The following ERC2 variants were observed in gnomAD, a reference collection of about 807,000 sequenced individuals.
The protein encoded by ERC2 is ELKS/RAB6-interacting/CAST family member 2.
In ERC2, 42 loss-of-function variants were observed where a neutral mutation model predicts 114.8. The ratio of observed to expected loss-of-function variants is 0.37; its 90% CI spans 0.29 to 0.47. ERC2 has a LOEUF of 0.47. Ranked by LOEUF, ERC2 falls within the 20% of genes least tolerant of loss-of-function variation. The probability of loss-of-function intolerance (pLI) is 0.99; values close to 1 mark genes in which losing one functional copy is unlikely to be tolerated. For synonymous variants in ERC2, 454 were observed against 425.5 expected, an observed-to-expected ratio of 1.07 and a Z score of -0.82; for missense variants, 939 against 1,150.7, an observed-to-expected ratio of 0.82 and a Z score of 2.66.
chr3:55,626,395 T>G lies in ERC2; in HGVS notation c.*39+57399A>C, dbSNP rs187215647. 7.6e-4 allele frequency among the ~76,000 whole-genome samples: 115 copies of G among 152,310 alleles called. 1 individual carries two copies. In the East Asian group the frequency reaches 0.019, roughly 25 times the overall value. On this transcript the variant is annotated intron_variant, in intron 17 of 17. Coordinates refer to ENST00000288221, the MANE Select transcript of ERC2 (RefSeq NM_015576.3). ...TAAGAAACCAGAAGGAGAGAAATGA[T>G]GGAGTAACTTCCCTAAGTCCGCTAA...
At position 55,709,337 on chromosome 3, in the gene ERC2, CA is replaced by C. The variant is rs1483735003; in HGVS notation, c.2713-9826del. Among the ~76,000 whole-genome samples the C allele has an allele frequency of 2.6e-5, 4 of 152,108 alleles. No individual in the cohort carries two copies. In the East Asian group the frequency reaches 7.7e-4, roughly 29 times the overall value. On this transcript the variant is annotated intron_variant, in intron 15 of 17. Transcript: ENST00000288221. ...CACAGGGAGTAAATGAACTGCTCAA[CA>C]GTTACATATTTACTCTAAAATATAT...
At chr3:56,443,128 G>T (rs575436629) in intron 1 of ERC2, among the ~76,000 whole-genome samples, 1 of 152,090 alleles carries the variant, frequency 6.6e-6, no homozygotes, top group Non-Finnish European at 1.5e-5. Flanking sequence ...TTCACACCTC[G>T]ACAAAGAAGC....
chr3:56,292,836 T>G (rs981750769), intron 3 of ERC2, among the ~76,000 whole-genome samples: 1 of 152,158 alleles, frequency 6.6e-6, no homozygotes, highest in Admixed American at 6.5e-5. Context: ...CTTTTGGTTA[T>G]GCAGGTCTCA....
intron 3 of ERC2, among the ~76,000 whole-genome samples, chr3:56,263,622 GA>G: frequency 6.6e-6 from 1 of 152,216 alleles, no homozygotes; most frequent in Admixed American, 6.5e-5. Context: ...AGAAGAAACA[GA>G]AGGTCTGACC....
chr3:55,752,826 T>G (rs1001942177), intron 14 of ERC2, among the ~76,000 whole-genome samples: 2 of 152,184 alleles, frequency 1.3e-5, no homozygotes, highest in African/African-American at 2.4e-5. Flanking sequence ...TTGTTCTAAG[T>G]TGAGATACTC....
At chr3:55,876,126 T>C (rs958285610) in intron 14 of ERC2, among the ~76,000 whole-genome samples, 1 of 152,196 alleles carries the variant, frequency 6.6e-6, no homozygotes, top group African/African-American at 2.4e-5. Context: ...AAAGCCCACC[T>C]CCATGCTATT....
intron 3 of ERC2, among the ~76,000 whole-genome samples, chr3:56,217,513 TCCATG>T (rs1245384208): frequency 6.6e-6 from 1 of 152,128 alleles, no homozygotes; most frequent in African/African-American, 2.4e-5. Flanking sequence ...GGAAGAATAT[TCCATG>T]CTCATGGGTA....
Position 56,435,058 on chromosome 3 carries a change from T to TG in ERC2, c.-52dup. On this transcript the variant is annotated 5_prime_UTR_variant, in exon 2 of 18. Coordinates refer to ENST00000288221, the MANE Select transcript of ERC2 (RefSeq NM_015576.3). ...GAAGAGAAGAAATGCTATATTAAGT[T>TG]GGGGTTTGAGCTAATATTTCCACGA... 1 of 1,423,542 alleles carries TG rather than the reference T, an allele frequency of 7.0e-7. No homozygotes were observed. The highest frequency in any genetic ancestry group is 2.3e-5 in the East Asian group (1 of 42,862). The allele number at this position is 1,423,542 out of a possible 1,614,324, so 88.2% of individuals were successfully genotyped here. A position where few individuals can be genotyped will look rare whatever the true frequency, so the allele number is the denominator to read the frequency against.
At chr3:56,448,591 C>T (rs1440905141) in intron 1 of ERC2, among the ~76,000 whole-genome samples, 2 of 152,184 alleles carry the variant, frequency 1.3e-5, no homozygotes, top group Non-Finnish European at 2.9e-5. Context: ...GCAAGCTAGG[C>T]TTGCTCCAGC....
At chr3:56,189,504 G>A (rs2083850381) in intron 3 of ERC2, among the ~76,000 whole-genome samples, 1 of 152,178 alleles carries the variant, frequency 6.6e-6, no homozygotes, top group African/African-American at 2.4e-5. Context: ...GTCAGAATTT[G>A]AACAGCTGTG....
chr3:56,192,280 A>G (rs2047838741), intron 3 of ERC2, among the ~76,000 whole-genome samples: 2 of 152,180 alleles, frequency 1.3e-5, no homozygotes, highest in Admixed American at 6.5e-5. Context: ...ATTGTTTGCT[A>G]AATTTACTTA....
At chr3:56,390,166 C>T (rs1010525116) in intron 2 of ERC2, among the ~76,000 whole-genome samples, 1 of 152,070 alleles carries the variant, frequency 6.6e-6, no homozygotes, top group Non-Finnish European at 1.5e-5. Context: ...TATTAGAAAC[C>T]ATTCTTTAAT....
At chr3:55,782,401 A>G (rs1167003680) in intron 14 of ERC2, among the ~76,000 whole-genome samples, 1 of 152,208 alleles carries the variant, frequency 6.6e-6, no homozygotes, top group East Asian at 1.9e-4. Context: ...TAATCTGACC[A>G]GAAATCCTGT....
At chr3:55,756,591 T>C (rs546875084) in intron 14 of ERC2, among the ~76,000 whole-genome samples, 1 of 152,324 alleles carries the variant, frequency 6.6e-6, no homozygotes, top group Non-Finnish European at 1.5e-5. Context: ...AAAGGCTGTT[T>C]GACTCTAATG....
At chr3:56,398,193 G>A (rs2060385370) in intron 2 of ERC2, among the ~76,000 whole-genome samples, 1 of 152,194 alleles carries the variant, frequency 6.6e-6, no homozygotes, top group Non-Finnish European at 1.5e-5. Flanking sequence ...TTTAATCAAA[G>A]CAACAAAGAA....
intron 15 of ERC2, among the ~76,000 whole-genome samples, chr3:55,710,378 G>A (rs2063717883): frequency 6.6e-6 from 1 of 152,068 alleles, no homozygotes; most frequent in East Asian, 1.9e-4. Flanking sequence ...GAGGCAAAGT[G>A]GAAATTTTGT....
intron 2 of ERC2, among the ~76,000 whole-genome samples, chr3:56,416,263 C>T (rs1256847224): frequency 6.6e-6 from 1 of 152,122 alleles, no homozygotes; most frequent in Non-Finnish European, 1.5e-5. Flanking sequence ...CTGACCACCT[C>T]CTCCTGAGGT....
intron 17 of ERC2, among the ~76,000 whole-genome samples, chr3:55,595,351 T>TG (rs2058080212): frequency 6.6e-6 from 1 of 152,256 alleles, no homozygotes; most frequent in East Asian, 1.9e-4. Flanking sequence ...TTCTGTCTCC[T>TG]AATGGACTTT....
chr3:56,287,037 C>T (rs1234650656), intron 3 of ERC2, among the ~76,000 whole-genome samples: 3 of 152,150 alleles, frequency 2.0e-5, no homozygotes, highest in African/African-American at 4.8e-5. Flanking sequence ...GCGCTCTATC[C>T]GAAACACTTA....
Sources: allele counts gnomAD v4.1 joint callset (sites outside exome capture counted in the v4.1 genomes callset), GRCh38; gene constraint gnomAD v4.1.1; transcripts MANE v1.5; gene names NCBI Gene and HGNC (gene_info 2026-07-23, HGNC 2026-07-21).